Variants in PRKCA observed in about 807,000 individuals in gnomAD.
PRKCA encodes protein kinase C alpha, also known as protein kinase C alpha type.
A neutral mutation model predicts 87.0 loss-of-function variants in PRKCA; 27 were observed. The ratio of observed to expected loss-of-function variants is 0.31; its 90% CI spans 0.23 to 0.43. The LOEUF (loss-of-function observed/expected upper bound fraction) is 0.43. Among genes scored for constraint, PRKCA ranks in the 20% least tolerant of loss-of-function variants. The pLI is 1.00. For synonymous variants in PRKCA, 329 were observed against 311.1 expected, an observed-to-expected ratio of 1.06 and a Z score of -0.61; for missense variants, 518 against 852.3, an observed-to-expected ratio of 0.61 and a Z score of 4.88.
intron 10 of PRKCA, among the ~76,000 whole-genome samples, chr17:66,738,552 G>A (rs1568005680): frequency 6.6e-6 from 1 of 152,234 alleles, no homozygotes; most frequent in African/African-American, 2.4e-5. Flanking sequence ...TCAGGGTTAT[G>A]TAATGACTTT....
Position 66,742,660 on chromosome 17 carries a change from G to C in PRKCA, c.1424G>C (p.Gly475Ala). 1.2e-6 allele frequency: 2 copies of C among 1,614,170 alleles called. No homozygotes were observed. Among genetic ancestry groups the C allele is most frequent in the Non-Finnish European group, 1.7e-6 (2 of 1,180,014 alleles). Residue 475 changes from glycine to alanine, a missense_variant, in exon 13 of 17, where the codon GGA becomes GCA. Transcript: ENST00000413366. Reference sequence around the variant, plus strand: ...GATAACGTCATGTTGGATTCAGAAGGACATATCAAAATTGCTGACTTTGGG... The same window carrying C: ...GATAACGTCATGTTGGATTCAGAAGCACATATCAAAATTGCTGACTTTGGG... ...KLDNVMLDSEGHIKIADFGMC... is the reference protein window; with the variant it reads ...KLDNVMLDSEAHIKIADFGMC...
intron 16 of PRKCA, among the ~76,000 whole-genome samples, chr17:66,797,537 C>A (rs1219099139): frequency 6.6e-6 from 1 of 152,198 alleles, no homozygotes; most frequent in Non-Finnish European, 1.5e-5. Flanking sequence ...GTCTGTCCTG[C>A]CTCCTCGCTG....
At chr17:66,373,168 G>A (rs897238878) in intron 2 of PRKCA, among the ~76,000 whole-genome samples, 1 of 152,156 alleles carries the variant, frequency 6.6e-6, no homozygotes, top group Non-Finnish European at 1.5e-5. Flanking sequence ...ATGAAAAGAT[G>A]TTTGATAATC....
chr17:66,607,285 TTCTC>T (rs1336557029), intron 3 of PRKCA, among the ~76,000 whole-genome samples: 5 of 152,210 alleles, frequency 3.3e-5, no homozygotes, highest in East Asian at 1.9e-4. Flanking sequence ...AGTTGAATGA[TTCTC>T]TTTCTTTCCC....
At chr17:66,314,344 C>A (rs1055537336) in intron 2 of PRKCA, among the ~76,000 whole-genome samples, 3 of 152,082 alleles carry the variant, frequency 2.0e-5, no homozygotes, top group Non-Finnish European at 4.4e-5. Context: ...TAAGGCATGG[C>A]CACTTCAGTG....
At chr17:66,622,998 T>A (rs1970734021) in intron 3 of PRKCA, among the ~76,000 whole-genome samples, 1 of 152,168 alleles carries the variant, frequency 6.6e-6, no homozygotes, top group Non-Finnish European at 1.5e-5. Context: ...AACCGTTGAT[T>A]TGTGAGTTGA....
chr17:66,645,429 C>G lies in PRKCA; in HGVS notation c.447C>G (p.Ser149Arg), dbSNP rs752033472. Residue 149 changes from serine (S) to arginine (R), a missense_variant, in exon 5 of 17, where the codon AGC (serine) becomes AGG (arginine). By Grantham distance (110) the Ser-to-Arg change is moderately radical (BLOSUM62 -1). This residue lies in a region of PRKCA where 300 missense variants were observed against 496.8 expected (regional missense o/e 0.60). Transcript: ENST00000413366. ...AGCAATGCGTCATCAATGTCCCCAG[C>G]CTCTGCGGAATGGATCACACTGAGA... ...VHKQCVINVPSLCGMDHTEKR... is the reference protein window; with the variant it reads ...VHKQCVINVPRLCGMDHTEKR... The G allele has an allele frequency of 6.2e-7, 1 of 1,614,214 alleles. No individual in the cohort carries two copies. The highest frequency in any genetic ancestry group is 8.5e-7 in the Non-Finnish European group (1 of 1,180,030).
At chr17:66,608,064 C>T (rs1181024705) in intron 3 of PRKCA, among the ~76,000 whole-genome samples, 1 of 151,874 alleles carries the variant, frequency 6.6e-6, no homozygotes, top group African/African-American at 2.4e-5. Context: ...GCCCTGACTT[C>T]TGTCGTCTGC....
At chr17:66,563,356 C>T (rs1260204867) in intron 3 of PRKCA, among the ~76,000 whole-genome samples, 1 of 152,170 alleles carries the variant, frequency 6.6e-6, no homozygotes, top group Non-Finnish European at 1.5e-5. Context: ...TCCCATCAGC[C>T]CCTGATCCTT....
At chr17:66,750,630 C>T (rs543314353) in intron 13 of PRKCA, among the ~76,000 whole-genome samples, 2 of 152,314 alleles carry the variant, frequency 1.3e-5, no homozygotes, top group South Asian at 4.1e-4. Flanking sequence ...GTGGCCCGCT[C>T]CTTTCTTCTG....
At chr17:66,665,479 G>A (rs1367767175) in intron 5 of PRKCA, among the ~76,000 whole-genome samples, 1 of 149,160 alleles carries the variant, frequency 6.7e-6, no homozygotes, top group African/African-American at 2.5e-5. Flanking sequence ...CTGGGCTTGG[G>A]GCTGAGTGTA....
intron 2 of PRKCA, among the ~76,000 whole-genome samples, chr17:66,346,653 A>G (rs1283863574): frequency 2.0e-5 from 3 of 152,188 alleles, no homozygotes; most frequent in Non-Finnish European, 4.4e-5. Context: ...ATTATGTCCT[A>G]TGATACTGGA....
intron 5 of PRKCA, among the ~76,000 whole-genome samples, chr17:66,675,489 C>T (rs894394882): frequency 2.0e-5 from 3 of 152,202 alleles, no homozygotes; most frequent in African/African-American, 7.2e-5. Flanking sequence ...CACACAGGTT[C>T]TGAAAGTGCG....
At chr17:66,592,360 A>AAAAAAAAAAAAAT (rs1186925292) in intron 3 of PRKCA, among the ~76,000 whole-genome samples, 1 of 151,616 alleles carries the variant, frequency 6.6e-6, no homozygotes, top group African/African-American at 2.4e-5. Context: ...AAAAAAAAAA[A>AAAAAAAAAAAAAT]AGTTACCATT....
intron 7 of PRKCA, 132 bp downstream of exon 7, chr17:66,688,568 C>T (rs183487493): frequency 1.4e-5 from 17 of 1,192,662 alleles, no homozygotes; most frequent in Middle Eastern, 2.9e-4. Context: ...TTCAAGAGGC[C>T]GAGGCAGGTG....
At chr17:66,615,342 C>T (rs1009500748) in intron 3 of PRKCA, among the ~76,000 whole-genome samples, 1 of 151,908 alleles carries the variant, frequency 6.6e-6, no homozygotes, top group Admixed American at 6.6e-5. Flanking sequence ...GAGTGGATGT[C>T]GGGGTGGGTA....
chr17:66,452,957 C>A (rs1463657526), intron 2 of PRKCA, among the ~76,000 whole-genome samples: 2 of 152,238 alleles, frequency 1.3e-5, no homozygotes, highest in Non-Finnish European at 2.9e-5. Context: ...CCTGTTTGAA[C>A]CCCCATTGAG....
At chr17:66,466,981 T>C (rs1158975222) in intron 2 of PRKCA, among the ~76,000 whole-genome samples, 1 of 152,072 alleles carries the variant, frequency 6.6e-6, no homozygotes, top group Non-Finnish European at 1.5e-5. Flanking sequence ...AATTTGAAAA[T>C]GAAAGCAAAA....
chr17:66,453,597 C>T (rs1034739483), intron 2 of PRKCA, among the ~76,000 whole-genome samples: 3 of 152,136 alleles, frequency 2.0e-5, no homozygotes, highest in Non-Finnish European at 2.9e-5. Flanking sequence ...GGATTATAGA[C>T]GTGAGCCACT....
Sources: allele counts gnomAD v4.1 joint callset (sites outside exome capture counted in the v4.1 genomes callset), GRCh38; gene constraint gnomAD v4.1.1; regional missense constraint gnomAD v4.1.1; transcripts MANE v1.5; gene names NCBI Gene and HGNC (gene_info 2026-07-23, HGNC 2026-07-21).